The following SMYD3 variants were observed in gnomAD, a reference collection of about 807,000 sequenced individuals.
SMYD3 encodes histone-lysine N-methyltransferase SMYD3.
Under a neutral mutation model 57.7 loss-of-function variants are expected in SMYD3, and 36 were observed. The observed-to-expected ratio is 0.62, with a 90% CI of 0.48 to 0.82. SMYD3 has a LOEUF of 0.82. SMYD3 is among the 40% of genes least tolerant of loss of function. The pLI, the probability that SMYD3 is intolerant of heterozygous loss-of-function variation, is 0.00. For missense variants in SMYD3, 515 were observed against 538.8 expected (o/e 0.96, Z 0.44); for synonymous variants, 211 against 195.0 (o/e 1.08, Z -0.68).
intron 1 of SMYD3, among the ~76,000 whole-genome samples, chr1:246,405,719 T>C (rs1480847145): frequency 6.6e-6 from 1 of 151,856 alleles, no homozygotes; most frequent in Non-Finnish European, 1.5e-5. Flanking sequence ...CCATCCTGGC[T>C]AATACGATGA....
rs961137031 is a variant in SMYD3 at position 246,210,703 on chromosome 1, T to TA, written c.531+116497dup. Among the ~76,000 whole-genome samples the TA allele has an allele frequency of 8.7e-3, 1,212 of 139,190 alleles. 14 individuals are homozygous for TA. Among genetic ancestry groups the TA allele is most frequent in the African/African-American group, 0.025 (968 of 38,560 alleles). The allele number at this position is 139,190 out of a possible 152,430, so 91.3% of individuals were successfully genotyped here. A position where few individuals can be genotyped will look rare whatever the true frequency, so the allele number is the denominator to read the frequency against. The stretch of plus-strand genomic sequence containing the variant: ...CCAGCCTGGGCAACAAGGGCGAAAC[T>TA]AAAAAAAAAAAAACAAAAACAAAAA... On this transcript the variant is annotated intron_variant, in intron 5 of 11. Coordinates refer to ENST00000490107, the MANE Select transcript of SMYD3 (RefSeq NM_001167740.2).
chr1:245,930,284 A>T, intron 5 of SMYD3: 1 of 373,268 alleles, frequency 2.7e-6, no homozygotes, highest in South Asian at 2.1e-5. Flanking sequence ...TAAGCTATTT[A>T]TTGAAAACTA....
chr1:245,930,134 T>G, intron 5 of SMYD3, 197 bp from the exon 6 acceptor site: 1 of 621,282 alleles, frequency 1.6e-6, no homozygotes, highest in Non-Finnish European at 3.0e-6. Context: ...CATCAGGTGG[T>G]TAAGTGCAGA....
intron 5 of SMYD3, among the ~76,000 whole-genome samples, chr1:246,100,600 G>C (rs905446850): frequency 6.6e-6 from 1 of 152,208 alleles, no homozygotes; most frequent in Non-Finnish European, 1.5e-5. Flanking sequence ...CCAAGTCCAA[G>C]CTTGTCACCA....
chr1:245,838,066 T>C (rs10754475), intron 10 of SMYD3, among the ~76,000 whole-genome samples: 36,022 of 151,082 alleles, frequency 0.24, 5,463 homozygotes, highest in East Asian at 0.66. Flanking sequence ...CTACATTTTA[T>C]TTTAAGGCCA....
intron 8 of SMYD3, among the ~76,000 whole-genome samples, chr1:245,896,125 T>C (rs1190628764): frequency 6.6e-6 from 1 of 152,156 alleles, no homozygotes; most frequent in Non-Finnish European, 1.5e-5. Context: ...TAAAAGAAGA[T>C]ATAGATCCCC....
At chr1:246,350,868 G>A (rs1002347873) in intron 2 of SMYD3, among the ~76,000 whole-genome samples, 1 of 152,180 alleles carries the variant, frequency 6.6e-6, no homozygotes, top group Admixed American at 6.5e-5. Flanking sequence ...ACTGAAATAC[G>A]ACCAAATCGT....
At chr1:245,852,943 C>T (rs1475919106) in intron 10 of SMYD3, among the ~76,000 whole-genome samples, 8 of 152,114 alleles carry the variant, frequency 5.3e-5, no homozygotes, top group Admixed American at 2.0e-4. Flanking sequence ...TACGAACACA[C>T]GCACATACAG....
intron 5 of SMYD3, among the ~76,000 whole-genome samples, chr1:246,147,527 G>A (rs1489267609): frequency 6.6e-6 from 1 of 152,286 alleles, no homozygotes; most frequent in South Asian, 2.1e-4. Context: ...GGCGGTGGGA[G>A]CCTCACCCAT....
At chr1:246,343,300 T>C (rs956443158) in intron 2 of SMYD3, among the ~76,000 whole-genome samples, 1 of 152,240 alleles carries the variant, frequency 6.6e-6, no homozygotes, top group African/African-American at 2.4e-5. Flanking sequence ...AACACCAGCT[T>C]CTAGCTGAAT....
chr1:246,077,270 T>C (rs2060564840), intron 5 of SMYD3, among the ~76,000 whole-genome samples: 1 of 152,222 alleles, frequency 6.6e-6, no homozygotes, highest in Non-Finnish European at 1.5e-5. Flanking sequence ...TTTTCATCAT[T>C]TAACAATAAA....
intron 1 of SMYD3, among the ~76,000 whole-genome samples, chr1:246,399,643 C>G (rs114482596): frequency 0.013 from 1,934 of 152,204 alleles, 46 homozygotes; most frequent in African/African-American, 0.044. Flanking sequence ...CCATGCCCAG[C>G]CTCTCATTTT....
intron 5 of SMYD3, among the ~76,000 whole-genome samples, chr1:246,313,309 T>C (rs2065107876): frequency 6.6e-6 from 1 of 152,082 alleles, no homozygotes; most frequent in East Asian, 1.9e-4. Context: ...CCAAACAATA[T>C]ACCTTACCAA....
chr1:246,218,095 C>G (rs566524192), intron 5 of SMYD3, among the ~76,000 whole-genome samples: 4 of 151,966 alleles, frequency 2.6e-5, no homozygotes, highest in African/African-American at 9.7e-5. Context: ...ATGACCATCA[C>G]GAATAAATCT....
chr1:246,407,977 G>A (rs774218546), intron 1 of SMYD3, among the ~76,000 whole-genome samples: 1 of 151,886 alleles, frequency 6.6e-6, no homozygotes, highest in East Asian at 1.9e-4. Flanking sequence ...GAAGAAACCT[G>A]AGGGCAGGTT....
chr1:246,054,336 C>T lies in SMYD3; in HGVS notation c.532-124399G>A, dbSNP rs1163667813. Among the ~76,000 whole-genome samples the T allele has an allele frequency of 2.6e-5, 4 of 152,154 alleles. No individual in the cohort carries two copies. In the East Asian group the frequency reaches 5.8e-4, roughly 22 times the overall value. On this transcript the variant is annotated intron_variant, in intron 5 of 11. Transcript: ENST00000490107. ...CTACTGGGGGGAACACGAAAAGTCA[C>T]GACTACTTCAGAAAGCAGTCTTGTA... is the stretch of plus-strand genomic sequence containing the variant.
At chr1:246,014,252 G>A (rs2059337753) in intron 5 of SMYD3, among the ~76,000 whole-genome samples, 2 of 152,222 alleles carry the variant, frequency 1.3e-5, no homozygotes, top group African/African-American at 2.4e-5. Flanking sequence ...AGCCCAGGAG[G>A]TGGAGATTGC....
intron 5 of SMYD3, among the ~76,000 whole-genome samples, chr1:246,104,448 T>C (rs894524322): frequency 6.6e-6 from 1 of 152,178 alleles, no homozygotes; most frequent in African/African-American, 2.4e-5. Flanking sequence ...AATAAGTATT[T>C]AGAAATTTCT....
intron 1 of SMYD3, among the ~76,000 whole-genome samples, chr1:246,491,120 G>A (rs149737439): frequency 6.6e-6 from 1 of 152,234 alleles, no homozygotes; most frequent in Non-Finnish European, 1.5e-5. Flanking sequence ...ACCAAAGTGA[G>A]AGTAAGTATG....
Sources: gnomAD v4.1 joint callset for allele counts (sites outside exome capture counted in the v4.1 genomes callset) on GRCh38, gnomAD v4.1.1 for gene constraint, MANE v1.5 for transcripts, NCBI Gene and HGNC (gene_info 2026-07-23, HGNC 2026-07-21) for gene names.